Variants in HYDIN observed in about 807,000 individuals in gnomAD.
HYDIN encodes HYDIN axonemal central pair apparatus protein, also known as axonemal central pair apparatus protein HYDIN.
In HYDIN, 132 loss-of-function variants were observed where a neutral mutation model predicts 403.9. The observed-to-expected ratio is 0.33, with a 90% confidence interval of 0.28 to 0.38. HYDIN has a LOEUF of 0.38. HYDIN is among the 10% of genes least tolerant of loss of function. The pLI, the probability that HYDIN is intolerant of heterozygous loss-of-function variation, is 1.00. For synonymous variants in HYDIN, 1,202 were observed against 1,891.7 expected (o/e 0.64, Z 9.46); for missense variants, 2,827 against 5,009.5 (o/e 0.56, Z 13.15).
intron 36 of HYDIN, among the ~76,000 whole-genome samples, chr16:70,966,215 G>A (rs1461488308): frequency 1.3e-5 from 2 of 152,342 alleles, no homozygotes; most frequent in East Asian, 3.9e-4. Context: ...TCCTGAGAGT[G>A]CCCTCAAGAA....
intron 1 of HYDIN, among the ~76,000 whole-genome samples, chr16:71,189,901 T>C (rs1366788607): frequency 6.6e-6 from 1 of 152,168 alleles, no homozygotes; most frequent in Non-Finnish European, 1.5e-5. Flanking sequence ...TTAGTAATAA[T>C]ATTTTTAAAA....
intron 10 of HYDIN, among the ~76,000 whole-genome samples, chr16:71,096,536 G>A (rs113227027): frequency 2.0e-5 from 3 of 151,668 alleles, no homozygotes; most frequent in African/African-American, 7.3e-5. Context: ...AGTATTTTCA[G>A]ATATTTTATT....
At chr16:70,923,542 C>A (rs1425977820) in intron 45 of HYDIN, among the ~76,000 whole-genome samples, 3 of 119,810 alleles carry the variant, frequency 2.5e-5, no homozygotes, top group Non-Finnish European at 5.2e-5. Flanking sequence ...GTGGCTCAAG[C>A]CTGTAATCCC....
At chr16:70,917,344 T>A (rs2076871494) in intron 47 of HYDIN, among the ~76,000 whole-genome samples, 1 of 152,248 alleles carries the variant, frequency 6.6e-6, no homozygotes, top group African/African-American at 2.4e-5. Context: ...ATCTCAGATG[T>A]TGATTTCCTT....
At chr16:70,956,540 G>C (rs549155815) in intron 39 of HYDIN, among the ~76,000 whole-genome samples, 94 of 152,198 alleles carry the variant, frequency 6.2e-4, no homozygotes, top group Non-Finnish European at 1.0e-3. Context: ...TTATCCAACC[G>C]GGCACAATGG....
Position 71,230,709 on chromosome 16 carries a change from T to G in HYDIN, c.-171A>C. The G allele has an allele frequency of 6.5e-7, 1 of 1,535,924 alleles. No individual in the cohort carries two copies. The highest frequency in any genetic ancestry group is 2.4e-5 in the East Asian group (1 of 40,890). On this transcript the variant is annotated 5_prime_UTR_variant, in exon 1 of 86. Coordinates refer to ENST00000393567, the MANE Select transcript of HYDIN (RefSeq NM_001270974.2). ...CCATGCGCCGCCCGAGCTGTTGCCGTCCGTTGCCACGGTAACCACGGAGCC... is the reference window on the plus strand; with the variant it reads ...CCATGCGCCGCCCGAGCTGTTGCCGGCCGTTGCCACGGTAACCACGGAGCC...
intron 53 of HYDIN, among the ~76,000 whole-genome samples, chr16:70,896,538 T>A (rs1214252498): frequency 6.6e-6 from 1 of 151,858 alleles, no homozygotes; most frequent in Non-Finnish European, 1.5e-5. Context: ...TTGTTTTTTA[T>A]AGAGATGGGG....
chr16:71,061,390 TCA>T (rs1396988065), intron 17 of HYDIN, among the ~76,000 whole-genome samples: 1 of 152,224 alleles, frequency 6.6e-6, no homozygotes, highest in African/African-American at 2.4e-5. Flanking sequence ...GTCTAAGCAA[TCA>T]GAGTCACAAC....
At chr16:70,882,055 T>G (rs1453285730) in intron 60 of HYDIN, among the ~76,000 whole-genome samples, 21 of 152,388 alleles carry the variant, frequency 1.4e-4, no homozygotes, top group Middle Eastern at 3.4e-3. Flanking sequence ...TATTTCATCT[T>G]GTATGTGGAT....
chr16:71,158,499 T>C (rs190986173), intron 6 of HYDIN, among the ~76,000 whole-genome samples: 1 of 151,424 alleles, frequency 6.6e-6, no homozygotes, highest in Non-Finnish European at 1.5e-5. Flanking sequence ...GAAATTGCCA[T>C]TTTGGCATGG....
chr16:71,206,973 G>C (rs1464249102), intron 1 of HYDIN, among the ~76,000 whole-genome samples: 2 of 152,134 alleles, frequency 1.3e-5, no homozygotes, highest in African/African-American at 2.4e-5. Context: ...AAAGAGACTG[G>C]GAGAAAGGAA....
At chr16:70,854,243 T>G (rs1270031352) in intron 73 of HYDIN, among the ~76,000 whole-genome samples, 1 of 151,542 alleles carries the variant, frequency 6.6e-6, no homozygotes, top group Non-Finnish European at 1.5e-5. Flanking sequence ...TTAAATTTTA[T>G]TATTAGTTTT....
At position 70,834,130 on chromosome 16, in the gene HYDIN, A is replaced by G. The variant is rs2037205329; in HGVS notation, c.13436T>C (p.Leu4479Pro). 2 of 1,613,762 alleles carry G rather than the reference A, an allele frequency of 1.2e-6. No individual in the cohort carries two copies. Among genetic ancestry groups the G allele is most frequent in the Non-Finnish European group, 1.7e-6 (2 of 1,179,820 alleles). ...CAGTTTACAGACTTCTTTGGGCTTC[A>G]GTGTGATGTTGTGGAAGGGCGCCAG... ...LTLAPFHNIT[L>P]KPKEVCKLEV... Residue 4479 changes from leucine (L) to proline (P), a missense_variant, in exon 79 of 86, where the codon CTG becomes CCG. Physicochemically the swap from Leu to Pro is moderately conservative, Grantham distance 98 (BLOSUM62 -3). Transcript: ENST00000393567.
At chr16:71,214,126 A>G (rs1243345488) in intron 1 of HYDIN, among the ~76,000 whole-genome samples, 2 of 152,102 alleles carry the variant, frequency 1.3e-5, no homozygotes, top group African/African-American at 2.4e-5. Context: ...TATATACTCA[A>G]AAAAGTTTTT....
intron 23 of HYDIN, among the ~76,000 whole-genome samples, chr16:71,017,210 C>G (rs373627411): frequency 6.6e-6 from 1 of 150,896 alleles, no homozygotes; most frequent in Non-Finnish European, 1.5e-5. Flanking sequence ...AATTGCCAGG[C>G]GTGGTGGCAG....
chr16:70,864,823 C>A (rs1036346893), intron 67 of HYDIN, among the ~76,000 whole-genome samples: 1 of 152,150 alleles, frequency 6.6e-6, no homozygotes, highest in Non-Finnish European at 1.5e-5. Context: ...GTGTCCCATA[C>A]GGTCTCTGCA....
At chr16:71,201,630 G>C (rs1189142179) in intron 1 of HYDIN, among the ~76,000 whole-genome samples, 1 of 152,210 alleles carries the variant, frequency 6.6e-6, no homozygotes, top group Admixed American at 6.5e-5. Flanking sequence ...TCTTTGTATT[G>C]AGGTGCTGAA....
chr16:70,899,199 A>C (rs2076291452), intron 53 of HYDIN, among the ~76,000 whole-genome samples: 1 of 152,112 alleles, frequency 6.6e-6, no homozygotes, highest in Non-Finnish European at 1.5e-5. Flanking sequence ...GTCCCCCAAA[A>C]AGTATGTCTA....
intron 10 of HYDIN, chr16:71,113,997 T>A (rs1346954585): frequency 6.7e-6 from 1 of 150,366 alleles, no homozygotes; most frequent in African/African-American, 2.5e-5. Context: ...AATTTAGGTA[T>A]CTTGGCCCTG....
Sources: allele counts gnomAD v4.1 joint callset (sites outside exome capture counted in the v4.1 genomes callset), GRCh38; gene constraint gnomAD v4.1.1; transcripts MANE v1.5; gene names NCBI Gene and HGNC (gene_info 2026-07-23, HGNC 2026-07-21).